Variants in KMT2A observed in about 807,000 individuals in gnomAD.
KMT2A encodes histone-lysine N-methyltransferase 2A.
Under a neutral mutation model 345.3 loss-of-function variants are expected in KMT2A, and 16 were observed. The observed-to-expected ratio is 0.05, with a 90% CI of 0.03 to 0.07. The LOEUF is 0.07. Ranked by LOEUF, KMT2A falls within the 10% of genes least tolerant of loss-of-function variation. The pLI is 1.00. For missense variants in KMT2A, 3,272 were observed against 4,841.6 expected (o/e 0.68, Z 9.62); for synonymous variants, 1,599 against 1,778.6 (o/e 0.90, Z 2.54).
Position 118,506,036 on chromosome 11 carries a change from A to G in KMT2A, c.10144A>G (p.Ser3382Gly), listed in dbSNP as rs1555048185. ...LLGTPDIGSISNLLIKASQQS... is the reference protein window; with the variant it reads ...LLGTPDIGSIGNLLIKASQQS... ...TGGTACCCCAGATATTGGCTCAATA[A>G]GCAATCTTTTAATCAAAGCTAGCCA... The change falls in exon 27 of 36, where the codon AGC becomes GGC. Residue 3382 changes from serine (S) to glycine (G), a missense_variant. Physicochemically the swap from Ser to Gly is moderately conservative, Grantham distance 56. Around this residue, in one of 27 missense-constraint regions of KMT2A, gnomAD observed 748 missense variants for 922.2 expected, o/e 0.81. Transcript: ENST00000534358. 2 of 1,614,236 alleles carry G rather than the reference A, an allele frequency of 1.2e-6. No individual in the cohort carries two copies. Among genetic ancestry groups the G allele is most frequent in the Non-Finnish European group, 1.7e-6 (2 of 1,180,030 alleles).
chr11:118,500,382 CAATAT>C (rs1950481271), intron 24 of KMT2A, among the ~76,000 whole-genome samples: 1 of 152,194 alleles, frequency 6.6e-6, no homozygotes, highest in African/African-American at 2.4e-5. Flanking sequence ...AACAAGCTAA[CAATAT>C]AAGTTCAAAA....
Position 118,510,568 on chromosome 11 carries a change from C to T in KMT2A, c.11071+450C>T, listed in dbSNP as rs1384354865. On this transcript the variant is annotated intron_variant, in intron 30 of 35. Coordinates refer to ENST00000534358, the MANE Select transcript of KMT2A (RefSeq NM_001197104.2). This position sits in a 1 kb window ranked among gnomAD's most constrained non-coding sequence, Gnocchi z 4.1. ...CCCTGACCTTCTGAGGTAGCTAAGCCCTCCCTCTCCCTCCTTTTGAATCTT... is the reference window on the plus strand; with the variant it reads ...CCCTGACCTTCTGAGGTAGCTAAGCTCTCCCTCTCCCTCCTTTTGAATCTT... Among the ~76,000 whole-genome samples the T allele has an allele frequency of 6.6e-6, 1 of 152,116 alleles. No individual in the cohort carries two copies.
chr11:118,519,833 T>C (rs1950917977), intron 32 of KMT2A, 41 bp downstream of exon 32: 1 of 1,598,356 alleles, frequency 6.3e-7, no homozygotes, highest in Non-Finnish European at 8.6e-7. Flanking sequence ...TGGGTCTCGA[T>C]TTTCTTATCT....
intron 31 of KMT2A, among the ~76,000 whole-genome samples, chr11:118,517,209 CA>C (rs1555051779): frequency 6.6e-6 from 1 of 151,696 alleles, no homozygotes; most frequent in Non-Finnish European, 1.5e-5. Context: ...TCCTGGCTAA[CA>C]CAGTGAAACC....
intron 1 of KMT2A, among the ~76,000 whole-genome samples, chr11:118,466,278 C>T (rs1364841111): frequency 4.6e-5 from 7 of 152,076 alleles, no homozygotes; most frequent in African/African-American, 9.6e-5. Context: ...TGCAGTGAGC[C>T]GTGATCACAC....
At position 118,466,534 on chromosome 11, in the gene KMT2A, G is replaced by T. The variant is rs547988693; in HGVS notation, c.433-2241G>T. On this transcript the variant is annotated intron_variant, in intron 1 of 35. Transcript: ENST00000534358. ...AATTTTTTTAAAGTAAAAAGAACTGGCTGGGCACAGTGGCTCACGCCTGTA... is the reference window on the plus strand; with the variant it reads ...AATTTTTTTAAAGTAAAAAGAACTGTCTGGGCACAGTGGCTCACGCCTGTA... Among the ~76,000 whole-genome samples, 23 of 152,282 alleles carry T rather than the reference G, an allele frequency of 1.5e-4. No homozygotes were observed. The East Asian group carries it at 4.3e-3, about 28-fold the overall frequency.
rs781939861 is a variant in KMT2A at position 118,503,410 on chromosome 11, G to T, written c.7518G>T (p.Met2506Ile). The change falls in exon 27 of 36, where the codon ATG becomes ATT. Residue 2506 changes from methionine (M) to isoleucine (I), a missense_variant. Around this residue, in one of 27 missense-constraint regions of KMT2A, gnomAD observed 445 missense variants for 500.9 expected, o/e 0.89. Transcript: ENST00000534358. The surrounding 1 kb of genome is among the most constrained non-coding windows in gnomAD (Gnocchi z 5.3). ...SMPGVPKAPPMQVEGSAKELQ... is the reference protein window; with the variant it reads ...SMPGVPKAPPIQVEGSAKELQ... ...CAGGAGTCCCCAAAGCTCCACCCATGCAAGTAGAAGGATCTGCCAAGGAAT... is the reference window on the plus strand; with the variant it reads ...CAGGAGTCCCCAAAGCTCCACCCATTCAAGTAGAAGGATCTGCCAAGGAAT... The T allele has an allele frequency of 6.2e-7, 1 of 1,614,102 alleles. No homozygotes were observed. Among genetic ancestry groups the T allele is most frequent in the Non-Finnish European group, 8.5e-7 (1 of 1,179,994 alleles).
At chr11:118,507,729 C>A in intron 28 of KMT2A, 120 bp downstream of exon 28, 1 of 737,356 alleles carries the variant, frequency 1.4e-6, no homozygotes, top group Non-Finnish European at 2.3e-6. Flanking sequence ...GTCTGGGAGG[C>A]CGAGGCAGGT....
chr11:118,472,284 C>T lies in KMT2A; in HGVS notation c.1125C>T (p.Leu375=). The change falls in exon 3 of 36, where the codon CTC becomes CTT. Residue 375 remains leucine, a synonymous_variant. Coordinates refer to ENST00000534358, the MANE Select transcript of KMT2A (RefSeq NM_001197104.2). ...CAGATGCAACCATTGCTAAGCAACT[C>T]TTACAGAGGGCAAAAAAGGGGGCTC... ...KRTDATIAKQ[L]LQRAKKGAQK... 1 of 1,614,120 alleles carries T rather than the reference C, an allele frequency of 6.2e-7. No individual in the cohort carries two copies. The highest frequency in any genetic ancestry group is 1.1e-5 in the South Asian group (1 of 91,078).
intron 1 of KMT2A, chr11:118,448,967 A>G (rs1555027944): frequency 6.6e-6 from 1 of 152,254 alleles, no homozygotes; most frequent in African/African-American, 2.4e-5. Flanking sequence ...CAAGAGATGT[A>G]AAATTCATAA....
At position 118,503,367 on chromosome 11, in the gene KMT2A, A is replaced by G. The variant is rs782556163; in HGVS notation, c.7475A>G (p.Asp2492Gly). 27 of 1,614,072 alleles carry G rather than the reference A, an allele frequency of 1.7e-5. No homozygotes were observed. In the Admixed American group the frequency reaches 4.5e-4, roughly 27 times the overall value. The change falls in exon 27 of 36, where the codon GAT becomes GGT. Residue 2492 changes from aspartate to glycine, a missense_variant. Asp to Gly is a moderately conservative substitution (Grantham distance 94). This residue lies in a region of KMT2A where 445 missense variants were observed against 500.9 expected (regional missense o/e 0.89). Transcript: ENST00000534358. The surrounding 1 kb of genome is among the most constrained non-coding windows in gnomAD (Gnocchi z 5.3). Reference protein sequence around the residue: ...CNNVSSDKIGDKGLSMPGVPK... With the variant: ...CNNVSSDKIGGKGLSMPGVPK... ...AATGTTTCTTCTGATAAGATTGGTG[A>G]TAAAGGCCTTTCTATGCCAGGAGTC...
intron 1 of KMT2A, 64 bp from the exon 2 acceptor site, chr11:118,468,711 C>G (rs1555034750): frequency 1.6e-6 from 2 of 1,287,618 alleles, no homozygotes; most frequent in African/African-American, 2.9e-5. Flanking sequence ...CTGGGCATTT[C>G]TTTGGGATGT....
intron 1 of KMT2A, chr11:118,450,231 T>C (rs1369430289): frequency 6.6e-6 from 1 of 152,110 alleles, no homozygotes; most frequent in Non-Finnish European, 1.5e-5. Context: ...TTTTTAAAGA[T>C]TCTGCAGAAT....
intron 1 of KMT2A, among the ~76,000 whole-genome samples, chr11:118,446,961 C>T (rs1450980875): frequency 6.6e-6 from 1 of 152,164 alleles, no homozygotes; most frequent in Non-Finnish European, 1.5e-5. Flanking sequence ...AGGTGTTCTC[C>T]ACAGTCTTTG....
rs1293405750 is a variant in KMT2A, at chr11:118,463,136, T to A, written c.433-5639T>A. ...TACATTTATCTTTATTTTTTTTTTT[T>A]AAATAAAGATGGGGTCTTGCTATGT... On this transcript the variant is annotated intron_variant, in intron 1 of 35. Transcript: ENST00000534358. Among the ~76,000 whole-genome samples, 7 of 150,420 alleles carry A rather than the reference T, an allele frequency of 4.7e-5. No individual in the cohort carries two copies. In the East Asian group the frequency reaches 5.8e-4, roughly 12 times the overall value.
chr11:118,455,740 C>T (rs1157019793), intron 1 of KMT2A, among the ~76,000 whole-genome samples: 1 of 151,134 alleles, frequency 6.6e-6, no homozygotes, highest in Non-Finnish European at 1.5e-5. Flanking sequence ...CTCTGTTATC[C>T]AGGCTGGAGT....
intron 1 of KMT2A, among the ~76,000 whole-genome samples, chr11:118,463,577 C>T (rs1311239627): frequency 2.6e-5 from 4 of 152,122 alleles, no homozygotes; most frequent in Non-Finnish European, 5.9e-5. Flanking sequence ...ACAACTTATT[C>T]AATTCCTTTA....
chr11:118,506,175 G>A lies in KMT2A; in HGVS notation c.10283G>A (p.Ser3428Asn). 1.2e-6 allele frequency: 2 copies of A among 1,614,172 alleles called. No individual in the cohort carries two copies. The highest frequency in any genetic ancestry group is 1.1e-5 in the South Asian group (1 of 91,080). Residue 3428 changes from serine (S) to asparagine (N), a missense_variant, in exon 27 of 36, where the codon AGC (serine) becomes AAC (asparagine). Physicochemically the swap from Ser to Asn is conservative, Grantham distance 46. Around this residue, in one of 27 missense-constraint regions of KMT2A, gnomAD observed 748 missense variants for 922.2 expected, o/e 0.81. Coordinates refer to ENST00000534358, the MANE Select transcript of KMT2A (RefSeq NM_001197104.2). Reference sequence around the variant, plus strand: ...ACTGCTGCAATAACAGCGGCATCTAGCATCTGTGTGCTCCCCTCCACTCAG... The same window carrying A: ...ACTGCTGCAATAACAGCGGCATCTAACATCTGTGTGCTCCCCTCCACTCAG... The part of the protein sequence containing the change: ...PSTAAITAAS[S>N]ICVLPSTQTT...
rs1950068183 is a variant in KMT2A, at chr11:118,477,953, C to T, written c.3335-14C>T. The stretch of plus-strand genomic sequence containing the variant: ...CAGTACTCCCTTGGAACTAATGCCA[C>T]ATTTCTTTAACAGACAAGTCATCAA... On this transcript the variant is annotated splice_polypyrimidine_tract_variant and intron_variant, in intron 4 of 35. Transcript: ENST00000534358. The T allele has an allele frequency of 6.2e-7, 1 of 1,609,666 alleles. No individual in the cohort carries two copies. The highest frequency in any genetic ancestry group is 8.5e-7 in the Non-Finnish European group (1 of 1,176,110).
Sources: allele counts gnomAD v4.1 joint callset (sites outside exome capture counted in the v4.1 genomes callset), GRCh38; gene constraint gnomAD v4.1.1; regional missense constraint gnomAD v4.1.1; non-coding constraint Gnocchi (gnomAD v3.1); transcripts MANE v1.5; gene names NCBI Gene and HGNC (gene_info 2026-07-23, HGNC 2026-07-21).